The following SLC6A5 variants were observed in gnomAD, a reference collection of about 807,000 sequenced individuals.
SLC6A5 encodes the protein sodium- and chloride-dependent glycine transporter 2.
SLC6A5 carries 58 observed loss-of-function variants against 90.5 expected under a neutral mutation model. The observed-to-expected ratio is 0.64, with a 90% CI of 0.52 to 0.80. SLC6A5 has a LOEUF of 0.80. Among genes scored for constraint, SLC6A5 ranks in the 30% least tolerant of loss-of-function variants. SLC6A5 has a pLI of 0.00. For missense variants in SLC6A5, 1,015 were observed against 1,017.6 expected (o/e 1.00, Z 0.03); for synonymous variants, 427 against 401.4 (o/e 1.06, Z -0.76).
chr11:20,604,604 G>A (rs1031290465), intron 3 of SLC6A5, among the ~76,000 whole-genome samples, 180 bp downstream of exon 3: 1 of 152,166 alleles, frequency 6.6e-6, no homozygotes, highest in Non-Finnish European at 1.5e-5. Context: ...GACCATAATC[G>A]ATCGGCATTA....
intron 1 of SLC6A5, 108 bp from the exon 2 acceptor site, chr11:20,601,021 C>T: frequency 7.1e-6 from 8 of 1,128,348 alleles, no homozygotes; most frequent in Non-Finnish European, 9.8e-6. Context: ...ATTTGCTTCC[C>T]CAGATATTGT....
intron 15 of SLC6A5, among the ~76,000 whole-genome samples, chr11:20,653,906 A>T (rs1311183197): frequency 2.0e-5 from 3 of 152,228 alleles, no homozygotes; most frequent in African/African-American, 7.2e-5. Context: ...GATTTGGGAC[A>T]CAAAGGTTGC....
chr11:20,646,192 C>A (rs999942001), intron 13 of SLC6A5, among the ~76,000 whole-genome samples: 2 of 152,144 alleles, frequency 1.3e-5, no homozygotes, highest in Non-Finnish European at 2.9e-5. Flanking sequence ...TTGTCTAGGG[C>A]CATGAGAGTA....
chr11:20,607,691 A>G (rs368616503), intron 5 of SLC6A5, 39 bp downstream of exon 5: 28 of 1,523,394 alleles, frequency 1.8e-5, no homozygotes, highest in Non-Finnish European at 2.5e-5. Flanking sequence ...TGTGTATTCT[A>G]AACTATCCAT....
At chr11:20,647,549 T>G (rs1485308097) in intron 14 of SLC6A5, among the ~76,000 whole-genome samples, 1 of 151,662 alleles carries the variant, frequency 6.6e-6, no homozygotes, top group Non-Finnish European at 1.5e-5. Context: ...TCAGTCTGCT[T>G]TATGTACTAA....
chr11:20,640,239 A>G (rs1853286612), intron 13 of SLC6A5, among the ~76,000 whole-genome samples: 1 of 151,986 alleles, frequency 6.6e-6, no homozygotes, highest in South Asian at 2.1e-4. Flanking sequence ...TAACTATCTC[A>G]TTTACATCTT....
Position 20,642,235 on chromosome 11 carries a change from C to A in SLC6A5, c.1969+3677C>A, listed in dbSNP as rs189222410. ...GTGCTCAGAGAGGAACCACACCTGG[C>A]CACCCAGGAGGGAGAGCAGCCCCCA... On this transcript the variant is annotated intron_variant, in intron 13 of 15. Transcript: ENST00000525748. Among the ~76,000 whole-genome samples, 120 of 148,528 alleles carry A rather than the reference C, an allele frequency of 8.1e-4. No individual in the cohort carries two copies. In the Middle Eastern group the frequency reaches 0.017, roughly 21 times the overall value.
chr11:20,626,559 C>A, intron 7 of SLC6A5, 149 bp from the exon 8 acceptor site: 1 of 816,312 alleles, frequency 1.2e-6, no homozygotes, highest in African/African-American at 1.7e-5. Context: ...GCCTTCCCTG[C>A]TTCCCCAGCC....
chr11:20,607,240 G>T (rs992728799), intron 4 of SLC6A5, 102 bp downstream of exon 4: 6 of 1,443,524 alleles, frequency 4.2e-6, no homozygotes, highest in Non-Finnish European at 5.7e-6. Context: ...GTGGTTAATA[G>T]AACTAACTCT....
chr11:20,599,631 G>C lies in SLC6A5; in HGVS notation c.-42G>C, dbSNP rs774561259. 9 of 1,613,920 alleles carry C rather than the reference G, an allele frequency of 5.6e-6. No individual in the cohort carries two copies. In the Admixed American group the frequency reaches 1.0e-4, roughly 18 times the overall value. On this transcript the variant is annotated 5_prime_UTR_variant, in exon 1 of 16. Transcript: ENST00000525748. ...GCCAAACCCAGTCTTGTCAATAGCG[G>C]GTTTCACCCTCCACCAGTTCAGTCT... is the stretch of plus-strand genomic sequence containing the variant.
chr11:20,646,523 T>C (rs1382844490), intron 13 of SLC6A5, among the ~76,000 whole-genome samples: 2 of 152,216 alleles, frequency 1.3e-5, no homozygotes, highest in East Asian at 3.8e-4. Context: ...ATGTGAGATG[T>C]CAGGTTGTAG....
rs1158307850 is a variant in SLC6A5 at position 20,601,662 on chromosome 11, C to G, written c.537C>G (p.Thr179=). 6.2e-7 allele frequency: 1 copy of G among 1,613,410 alleles called. No individual in the cohort carries two copies. The highest frequency in any genetic ancestry group is 8.5e-7 in the Non-Finnish European group (1 of 1,179,864). ...CGGGCAGCGTGGCCACCGTTGCCAC[C>G]CAGGTAAGCAGGTTGCATTACGGCC... The part of the protein sequence containing the change: ...VLPGSVATVA[T]QEDEQGDENK... The change falls in exon 2 of 16, where the codon ACC becomes ACG. Residue 179 remains threonine (T), a synonymous_variant. Transcript: ENST00000525748.
At chr11:20,601,021 C>G (rs1464904754) in intron 1 of SLC6A5, 108 bp from the exon 2 acceptor site, 4 of 1,128,230 alleles carry the variant, frequency 3.5e-6, no homozygotes, top group Non-Finnish European at 4.9e-6. Flanking sequence ...ATTTGCTTCC[C>G]CAGATATTGT....
At chr11:20,608,667 A>G (rs1462463644) in intron 5 of SLC6A5, among the ~76,000 whole-genome samples, 1 of 152,202 alleles carries the variant, frequency 6.6e-6, no homozygotes, top group Non-Finnish European at 1.5e-5. Flanking sequence ...TTCTTTCCCC[A>G]GTAGATCTGT....
At chr11:20,627,108 C>T (rs1017518341) in intron 8 of SLC6A5, among the ~76,000 whole-genome samples, 3 of 152,134 alleles carry the variant, frequency 2.0e-5, no homozygotes, top group East Asian at 3.9e-4. Flanking sequence ...AGCTTTGGGC[C>T]AACTCACATC....
In SLC6A5 at chr11:20,657,172, A is replaced by G. The variant is rs1434146214; in HGVS notation, c.*2304A>G. ...GGTTGCAGTCTGATGCTGGACGCCA[A>G]CCCAATTTCTGCTAATTATTGCTTT... On this transcript the variant is annotated 3_prime_UTR_variant, in exon 16 of 16. Transcript: ENST00000525748. 7.1e-6 allele frequency: 1 copy of G among 140,932 alleles called. No homozygotes were observed. The highest frequency in any genetic ancestry group is 2.7e-5 in the African/African-American group (1 of 36,950). 8.7% of individuals were successfully genotyped at this position (140,932 alleles called of 1,614,324 possible). A position where few individuals can be genotyped will look rare whatever the true frequency, so the allele number is the denominator to read the frequency against.
At chr11:20,604,623 A>G (rs1852543394) in intron 3 of SLC6A5, among the ~76,000 whole-genome samples, 199 bp downstream of exon 3, 1 of 152,096 alleles carries the variant, frequency 6.6e-6, no homozygotes. Context: ...TAGATCCCGG[A>G]GTATCTTATC....
At chr11:20,609,719 T>C (rs977805197) in intron 5 of SLC6A5, among the ~76,000 whole-genome samples, 2 of 152,238 alleles carry the variant, frequency 1.3e-5, no homozygotes, top group African/African-American at 4.8e-5. Flanking sequence ...GGCTAGCTAT[T>C]GTGACCTTCG....
chr11:20,627,070 C>T (rs551071700), intron 8 of SLC6A5, among the ~76,000 whole-genome samples: 2 of 152,164 alleles, frequency 1.3e-5, no homozygotes, highest in South Asian at 2.1e-4. Flanking sequence ...TAGTAGAGGC[C>T]GAAAATGAAG....
Sources: gnomAD v4.1 joint callset for allele counts (sites outside exome capture counted in the v4.1 genomes callset) on GRCh38, gnomAD v4.1.1 for gene constraint, MANE v1.5 for transcripts, NCBI Gene and HGNC (gene_info 2026-07-23, HGNC 2026-07-21) for gene names.